Variants in ARL15 observed in about 807,000 individuals in gnomAD.
The protein encoded by ARL15 is ARF like GTPase 15.
In ARL15, 19 loss-of-function variants were observed where a neutral mutation model predicts 25.2. That is an observed-to-expected ratio of 0.75 (90% CI 0.53 to 1.10). The LOEUF is 1.10. ARL15 is among the 50% of genes least tolerant of loss of function. ARL15 has a pLI of 0.00. For synonymous variants in ARL15, 94 were observed against 86.8 expected, an observed-to-expected ratio of 1.08 and a Z score of -0.46; for missense variants, 220 against 246.0, an observed-to-expected ratio of 0.89 and a Z score of 0.71.
chr5:53,917,282 C>T (rs1175538642), intron 4 of ARL15, among the ~76,000 whole-genome samples: 3 of 152,236 alleles, frequency 2.0e-5, no homozygotes, highest in African/African-American at 7.2e-5. Context: ...TAGATTGAAT[C>T]ATCAAAAAAT....
intron 1 of ARL15, among the ~76,000 whole-genome samples, chr5:54,280,651 A>G (rs1758030863): frequency 6.6e-6 from 1 of 152,252 alleles, no homozygotes; most frequent in Admixed American, 6.5e-5. Flanking sequence ...TACATCATTC[A>G]TTTTAAACAA....
intron 3 of ARL15, among the ~76,000 whole-genome samples, chr5:54,125,097 T>A (rs1189474824): frequency 2.6e-5 from 4 of 151,362 alleles, no homozygotes; most frequent in African/African-American, 9.7e-5. Flanking sequence ...TTTTTTTTTT[T>A]TTGAGACACA....
chr5:54,014,010 A>T (rs1749328688), intron 4 of ARL15, among the ~76,000 whole-genome samples: 1 of 152,214 alleles, frequency 6.6e-6, no homozygotes, highest in Non-Finnish European at 1.5e-5. Context: ...CACAGTGGGT[A>T]AGAAGAACCC....
intron 4 of ARL15, among the ~76,000 whole-genome samples, chr5:54,097,203 G>A (rs139410654): frequency 6.6e-6 from 1 of 152,156 alleles, no homozygotes; most frequent in Non-Finnish European, 1.5e-5. Flanking sequence ...TGTAGTCCCA[G>A]CTACTCGGGA....
At chr5:54,126,163 G>A (rs1452899473) in intron 3 of ARL15, among the ~76,000 whole-genome samples, 1 of 151,972 alleles carries the variant, frequency 6.6e-6, no homozygotes, top group African/African-American at 2.4e-5. Context: ...CATCCTCTTT[G>A]GGAAAGTCTT....
intron 3 of ARL15, among the ~76,000 whole-genome samples, chr5:54,140,403 C>A (rs982452525): frequency 2.0e-5 from 3 of 148,700 alleles, no homozygotes; most frequent in Non-Finnish European, 4.4e-5. Context: ...TATATATATG[C>A]GTGTGTGGAT....
intron 4 of ARL15, among the ~76,000 whole-genome samples, chr5:54,030,512 G>A (rs945637346): frequency 4.6e-5 from 7 of 152,158 alleles, no homozygotes; most frequent in African/African-American, 1.4e-4. Context: ...GGGAGTGACT[G>A]AGGAGTGTGA....
chr5:53,949,676 C>A (rs1010769530), intron 4 of ARL15, among the ~76,000 whole-genome samples: 1 of 152,192 alleles, frequency 6.6e-6, no homozygotes, highest in Non-Finnish European at 1.5e-5. Flanking sequence ...TCCAAAAATA[C>A]TGTGGCATGC....
intron 4 of ARL15, among the ~76,000 whole-genome samples, chr5:54,036,599 T>C (rs913530666): frequency 3.9e-5 from 6 of 152,122 alleles, no homozygotes; most frequent in East Asian, 1.9e-4. Context: ...AAAAAAACTA[T>C]ATTTTTGTAT....
intron 1 of ARL15, among the ~76,000 whole-genome samples, chr5:54,308,869 A>G (rs1758825915): frequency 1.3e-5 from 2 of 152,228 alleles, no homozygotes. Context: ...TTTAAGAACT[A>G]TTTAAGTATT....
At chr5:54,237,733 G>T (rs562979108) in intron 1 of ARL15, among the ~76,000 whole-genome samples, 1 of 152,086 alleles carries the variant, frequency 6.6e-6, no homozygotes, top group South Asian at 2.1e-4. Flanking sequence ...GAAGAAATGC[G>T]GGTGATCCTT....
At chr5:53,886,918 G>C (rs1290996502) in intron 4 of ARL15, among the ~76,000 whole-genome samples, 1 of 152,166 alleles carries the variant, frequency 6.6e-6, no homozygotes, top group Non-Finnish European at 1.5e-5. Flanking sequence ...TTTCTTTAGA[G>C]GTGAATGATC....
intron 4 of ARL15, among the ~76,000 whole-genome samples, chr5:53,974,625 T>A (rs1430608629): frequency 2.6e-5 from 4 of 152,206 alleles, no homozygotes; most frequent in African/African-American, 7.2e-5. Context: ...TGTATTTCAA[T>A]CACTTGACAA....
chr5:54,289,151 G>A (rs1758258610), intron 1 of ARL15, among the ~76,000 whole-genome samples: 1 of 152,168 alleles, frequency 6.6e-6, no homozygotes, highest in Admixed American at 6.5e-5. Flanking sequence ...AGATGCCCAA[G>A]CTGAAGCACC....
intron 4 of ARL15, among the ~76,000 whole-genome samples, chr5:53,988,149 A>T (rs1483233547): frequency 6.6e-6 from 1 of 150,922 alleles, no homozygotes; most frequent in African/African-American, 2.4e-5. Context: ...AATAATAATA[A>T]TTTGGATGTG....
intron 3 of ARL15, among the ~76,000 whole-genome samples, chr5:54,132,983 TA>T (rs1198997399): frequency 2.0e-5 from 3 of 152,306 alleles, no homozygotes; most frequent in African/African-American, 7.2e-5. Context: ...AAAGATCCAA[TA>T]ACAAAGACAA....
chr5:54,242,452 G>A (rs902756044), intron 1 of ARL15, among the ~76,000 whole-genome samples: 2 of 152,136 alleles, frequency 1.3e-5, no homozygotes, highest in Non-Finnish European at 2.9e-5. Flanking sequence ...ATGTAGGCCT[G>A]GCCAATCATA....
chr5:54,179,397 T>C (rs949930903), intron 1 of ARL15, among the ~76,000 whole-genome samples: 2 of 152,098 alleles, frequency 1.3e-5, no homozygotes, highest in Non-Finnish European at 2.9e-5. Context: ...CCTTTGTAAC[T>C]GAAGAGAAAA....
chr5:53,894,095 T>A (rs932338415), intron 4 of ARL15, among the ~76,000 whole-genome samples: 1 of 152,224 alleles, frequency 6.6e-6, no homozygotes, highest in African/African-American at 2.4e-5. Flanking sequence ...TTAACCAATA[T>A]CACAATATTA....
Sources: gnomAD v4.1 joint callset for allele counts (sites outside exome capture counted in the v4.1 genomes callset) on GRCh38, gnomAD v4.1.1 for gene constraint, MANE v1.5 for transcripts, NCBI Gene and HGNC (gene_info 2026-07-23, HGNC 2026-07-21) for gene names.